Variants in SV2C observed in about 807,000 individuals in gnomAD.
The protein encoded by SV2C is solute carrier family 22 member B3.
In SV2C, 49 loss-of-function variants were observed where a neutral mutation model predicts 79.7. That is an observed-to-expected ratio of 0.61 (90% CI 0.49 to 0.78). The LOEUF is 0.78. SV2C is among the 30% of genes least tolerant of loss of function. The pLI, the probability that SV2C is intolerant of heterozygous loss-of-function variation, is 0.00. For missense variants in SV2C, 833 were observed against 912.9 expected (o/e 0.91, Z 1.13); for synonymous variants, 334 against 333.2 (o/e 1.00, Z -0.03).
chr5:76,170,615 G>A, intron 2 of SV2C, among the ~76,000 whole-genome samples: 2 of 143,790 alleles, frequency 1.4e-5, no homozygotes, highest in Admixed American at 7.0e-5. Context: ...AACAAAAAAA[G>A]GAAACATATA....
intron 1 of SV2C, among the ~76,000 whole-genome samples, chr5:76,099,951 T>A (rs142095979): frequency 0.016 from 2,366 of 152,324 alleles, 37 homozygotes; most frequent in South Asian, 0.049. Flanking sequence ...CTGGCTCTTA[T>A]TTGAATTTTT....
chr5:75,929,058 C>T, the SV2C span, among the ~76,000 whole-genome samples: 5 of 152,124 alleles, frequency 3.3e-5, no homozygotes, highest in Non-Finnish European at 7.3e-5. Context: ...CAAATTCTCT[C>T]TGCTTAGAGG....
At chr5:75,863,193 G>A in the SV2C span, among the ~76,000 whole-genome samples, 2 of 152,136 alleles carry the variant, frequency 1.3e-5, no homozygotes, top group Non-Finnish European at 2.9e-5. Context: ...ATGCTACCAA[G>A]GTGATGTCCC....
the SV2C span, among the ~76,000 whole-genome samples, chr5:76,020,005 T>G: frequency 6.6e-6 from 1 of 152,296 alleles, no homozygotes; most frequent in South Asian, 2.1e-4. Flanking sequence ...AGCCCAAAAC[T>G]TAATGACGTA....
chr5:76,139,881 GA>G (rs1749197164), intron 2 of SV2C, among the ~76,000 whole-genome samples: 1 of 22,702 alleles, frequency 4.4e-5, no homozygotes, highest in Non-Finnish European at 1.0e-4. Context: ...TTTTTTTTTT[GA>G]GACAGAGTCT....
At chr5:76,272,604 T>TTTTG (rs1183076498) in intron 4 of SV2C, among the ~76,000 whole-genome samples, 1 of 152,132 alleles carries the variant, frequency 6.6e-6, no homozygotes, top group African/African-American at 2.4e-5. Flanking sequence ...TTAGAAGGTG[T>TTTTG]TTTGTTTTGT....
At chr5:75,940,762 A>G in the SV2C span, among the ~76,000 whole-genome samples, 1,363 of 152,324 alleles carry the variant, frequency 8.9e-3, 14 homozygotes, top group Non-Finnish European at 0.015. Context: ...CAAGATTGGA[A>G]GGTTAATGGT....
chr5:76,131,183 G>T (rs962470812), intron 1 of SV2C, among the ~76,000 whole-genome samples: 2 of 152,110 alleles, frequency 1.3e-5, no homozygotes, highest in African/African-American at 4.8e-5. Context: ...TGTATATGGG[G>T]CTGCTTGCTT....
intron 1 of SV2C, among the ~76,000 whole-genome samples, chr5:76,108,598 G>A (rs369828994): frequency 1.3e-5 from 2 of 152,018 alleles, no homozygotes; most frequent in East Asian, 1.9e-4. Flanking sequence ...TTTCTCTTAT[G>A]CAAAAAATAA....
chr5:75,853,753 T>C, the SV2C span, among the ~76,000 whole-genome samples: 4 of 151,794 alleles, frequency 2.6e-5, no homozygotes, highest in Non-Finnish European at 4.4e-5. Context: ...AAAAGTATTA[T>C]AGAAGTGTGT....
chr5:76,201,905 C>G (rs1180252130), intron 3 of SV2C, among the ~76,000 whole-genome samples: 1 of 151,590 alleles, frequency 6.6e-6, no homozygotes, highest in Non-Finnish European at 1.5e-5. Context: ...GTAGTCCCAG[C>G]CACTCGGGAG....
At chr5:76,324,604 G>T (rs890119610) in intron 12 of SV2C, among the ~76,000 whole-genome samples, 2 of 152,074 alleles carry the variant, frequency 1.3e-5, no homozygotes, top group Admixed American at 1.3e-4. Flanking sequence ...AGCACTTTGG[G>T]AGGCCAAGAC....
chr5:76,252,095 TCCAA>T (rs1746133230), intron 4 of SV2C, among the ~76,000 whole-genome samples: 1 of 152,182 alleles, frequency 6.6e-6, no homozygotes, highest in Non-Finnish European at 1.5e-5. Flanking sequence ...AAACTCACTG[TCCAA>T]GGAGTATATG....
chr5:75,943,434 T>C, the SV2C span, among the ~76,000 whole-genome samples: 2 of 152,196 alleles, frequency 1.3e-5, no homozygotes, highest in African/African-American at 4.8e-5. Flanking sequence ...TTGCCCCTTC[T>C]TTTTCTCAGA....
chr5:76,333,006 T>C lies in SV2C; in HGVS notation c.*7459T>C, dbSNP rs982172160. On this transcript the variant is annotated 3_prime_UTR_variant, in exon 13 of 13. Coordinates refer to ENST00000502798, the MANE Select transcript of SV2C (RefSeq NM_014979.4). ...AGTACAGAGAATCCACTGTTATCTATGGGTGTCATTCCTTCAGAAAGAATG... is the reference window on the plus strand; with the variant it reads ...AGTACAGAGAATCCACTGTTATCTACGGGTGTCATTCCTTCAGAAAGAATG... 1 of 152,218 alleles carries C rather than the reference T, an allele frequency of 6.6e-6. No homozygotes were observed. Among genetic ancestry groups the C allele is most frequent in the Non-Finnish European group, 1.5e-5 (1 of 68,034 alleles). 9.4% of individuals were successfully genotyped at this position (152,218 alleles called of 1,614,324 possible).
intron 2 of SV2C, among the ~76,000 whole-genome samples, chr5:76,159,852 G>A (rs377349620): frequency 6.6e-6 from 1 of 151,798 alleles, no homozygotes; most frequent in Non-Finnish European, 1.5e-5. Context: ...TTTGATGGGG[G>A]ATACAATCCA....
intron 4 of SV2C, among the ~76,000 whole-genome samples, chr5:76,272,543 C>T (rs1396676255): frequency 1.3e-5 from 2 of 152,194 alleles, no homozygotes; most frequent in Non-Finnish European, 2.9e-5. Flanking sequence ...CACTATTTTG[C>T]TGCAAGTCCT....
At chr5:76,209,139 A>G (rs750633441) in intron 3 of SV2C, among the ~76,000 whole-genome samples, 3 of 152,164 alleles carry the variant, frequency 2.0e-5, no homozygotes, top group Non-Finnish European at 2.9e-5. Context: ...ATGTTTACTT[A>G]TTTAGCAGTA....
At chr5:75,950,315 T>C in the SV2C span, among the ~76,000 whole-genome samples, 1 of 152,004 alleles carries the variant, frequency 6.6e-6, no homozygotes, top group Non-Finnish European at 1.5e-5. Flanking sequence ...AAATAGGCCA[T>C]TACAAATGAA....
Sources: allele counts gnomAD v4.1 joint callset (sites outside exome capture counted in the v4.1 genomes callset), GRCh38; gene constraint gnomAD v4.1.1; transcripts MANE v1.5; gene names NCBI Gene and HGNC (gene_info 2026-07-23, HGNC 2026-07-21).